TBX15: variants seen among roughly 807,000 people sequenced by gnomAD.
The protein encoded by TBX15 is T-box transcription factor TBX15.
In TBX15, 18 loss-of-function variants were observed where a neutral mutation model predicts 53.9. That is an observed-to-expected ratio of 0.33 (90% CI 0.23 to 0.49). The LOEUF is 0.49. TBX15 is among the 20% of genes least tolerant of loss of function. TBX15 has a pLI of 0.98. For synonymous variants in TBX15, 295 were observed against 278.0 expected, an observed-to-expected ratio of 1.06 and a Z score of -0.61; for missense variants, 692 against 749.5, an observed-to-expected ratio of 0.92 and a Z score of 0.90.
intron 6 of TBX15, among the ~76,000 whole-genome samples, chr1:118,908,006 T>C (rs1473551938): frequency 6.6e-6 from 1 of 152,154 alleles, no homozygotes; most frequent in African/African-American, 2.4e-5. Context: ...ATCAATGTCT[T>C]ACAGCAGTGA....
At chr1:118,889,089 A>T (rs1248703691) in intron 7 of TBX15, among the ~76,000 whole-genome samples, 1 of 152,144 alleles carries the variant, frequency 6.6e-6, no homozygotes, top group Non-Finnish European at 1.5e-5. Context: ...CCTCCATATG[A>T]ACTAGTGTTT....
intron 1 of TBX15, among the ~76,000 whole-genome samples, chr1:118,960,680 A>G (rs1017987764): frequency 6.6e-6 from 1 of 152,198 alleles, no homozygotes; most frequent in Non-Finnish European, 1.5e-5. Context: ...CAGGCAGGCT[A>G]CTGAGTGAGC....
Position 118,964,825 on chromosome 1 carries a change from T to TC in TBX15, c.205+22765dup, listed in dbSNP as rs1380309904. 1.1e-4 allele frequency among the ~76,000 whole-genome samples: 16 copies of TC among 152,234 alleles called. No homozygotes were observed. The East Asian group carries it at 2.9e-3, about 28-fold the overall frequency. ...TAGCCAGCTGGAGTCATGGTTTGGG[T>TC]CCCCCTCCAGGCTTTTCCAGTGGTT... is the stretch of plus-strand genomic sequence containing the variant. On this transcript the variant is annotated intron_variant, in intron 1 of 7. Coordinates refer to ENST00000369429, the MANE Select transcript of TBX15 (RefSeq NM_001330677.2).
At chr1:118,968,875 A>G (rs964036761) in intron 1 of TBX15, among the ~76,000 whole-genome samples, 2 of 152,114 alleles carry the variant, frequency 1.3e-5, no homozygotes, top group Admixed American at 6.6e-5. Flanking sequence ...AGATAAAGAC[A>G]CCAGGCCTCT....
chr1:118,987,483 C>T (rs2101063893), intron 1 of TBX15, 108 bp downstream of exon 1: 2 of 1,311,252 alleles, frequency 1.5e-6, no homozygotes, highest in East Asian at 5.1e-5. Flanking sequence ...TATGTTGGGG[C>T]AAGGCAGGGC....
intron 1 of TBX15, among the ~76,000 whole-genome samples, chr1:118,954,238 AG>A (rs577459554): frequency 1.3e-5 from 2 of 152,224 alleles, no homozygotes; most frequent in Non-Finnish European, 2.9e-5. Flanking sequence ...CAAGGATCAA[AG>A]GAAGCTTGGA....
chr1:118,884,857 T>G lies in TBX15; in HGVS notation c.1684A>C (p.Met562Leu). The G allele has an allele frequency of 6.2e-7, 1 of 1,614,146 alleles. No homozygotes were observed. Among genetic ancestry groups the G allele is most frequent in the South Asian group, 1.1e-5 (1 of 91,074 alleles). ...CTAATCATGTGCATGCTGTGCTCCA[T>G]CCCTGACGGCAGGTACTGCCTCTCT... ...FGERQYLPSG[M>L]EHSMHMISPS... The change falls in exon 8 of 8, where the codon ATG (methionine) becomes CTG (leucine). Residue 562 changes from methionine to leucine, a missense_variant. By Grantham distance (15) the Met-to-Leu change is conservative (BLOSUM62 2). Transcript: ENST00000369429.
At chr1:118,979,072 G>C (rs73009558) in intron 1 of TBX15, among the ~76,000 whole-genome samples, 1 of 152,178 alleles carries the variant, frequency 6.6e-6, no homozygotes, top group Non-Finnish European at 1.5e-5. Context: ...AAGCTTTGGA[G>C]CAAGGATGCA....
intron 2 of TBX15, 25 bp from the exon 3 acceptor site, chr1:118,926,636 G>T (rs769368660): frequency 1.3e-6 from 2 of 1,598,784 alleles, no homozygotes; most frequent in Admixed American, 3.3e-5. Context: ...AAAACAGAAA[G>T]CTCAGAAATC....
chr1:118,963,401 C>T (rs1656940967), intron 1 of TBX15, among the ~76,000 whole-genome samples: 1 of 152,202 alleles, frequency 6.6e-6, no homozygotes, highest in Admixed American at 6.5e-5. Flanking sequence ...CCACCACAGG[C>T]ACCTTCCCTA....
intron 2 of TBX15, among the ~76,000 whole-genome samples, chr1:118,929,897 C>T (rs1330894677): frequency 6.6e-6 from 1 of 152,134 alleles, no homozygotes; most frequent in African/African-American, 2.4e-5. Context: ...CAAACCAACT[C>T]TTCTACCAAA....
intron 1 of TBX15, among the ~76,000 whole-genome samples, chr1:118,982,088 C>CAATA (rs1657671129): frequency 6.6e-6 from 1 of 152,168 alleles, no homozygotes; most frequent in Non-Finnish European, 1.5e-5. Flanking sequence ...AGTAAGAAAG[C>CAATA]AATAACCAGC....
chr1:118,933,013 C>T (rs1036603046), intron 1 of TBX15, among the ~76,000 whole-genome samples: 1 of 152,030 alleles, frequency 6.6e-6, no homozygotes, highest in Admixed American at 6.6e-5. Flanking sequence ...TCAATGGTGT[C>T]AAGGGTCAGA....
chr1:118,923,361 A>G, intron 5 of TBX15, 75 bp downstream of exon 5: 1 of 1,583,160 alleles, frequency 6.3e-7, no homozygotes, highest in Non-Finnish European at 8.7e-7. Context: ...CTGAAAGTAA[A>G]TAATACCTAA....
At chr1:118,922,457 A>G (rs1393195513) in intron 5 of TBX15, among the ~76,000 whole-genome samples, 1 of 152,212 alleles carries the variant, frequency 6.6e-6, no homozygotes, top group Non-Finnish European at 1.5e-5. Context: ...GGTTTGTGTC[A>G]GTGAATTTAT....
At chr1:118,946,375 G>T (rs1029648505) in intron 1 of TBX15, among the ~76,000 whole-genome samples, 3 of 152,124 alleles carry the variant, frequency 2.0e-5, no homozygotes, top group Admixed American at 6.5e-5. Flanking sequence ...AGTTAAATTT[G>T]CAAAAGCTTG....
intron 1 of TBX15, among the ~76,000 whole-genome samples, chr1:118,982,519 G>A (rs755080620): frequency 6.6e-5 from 10 of 152,134 alleles, no homozygotes; most frequent in Admixed American, 2.0e-4. Context: ...GGTTAATGAC[G>A]AGGAACTCGT....
At chr1:118,961,535 G>A (rs562023589) in intron 1 of TBX15, among the ~76,000 whole-genome samples, 1 of 152,282 alleles carries the variant, frequency 6.6e-6, no homozygotes, top group Non-Finnish European at 1.5e-5. Flanking sequence ...CAGGTTCCTA[G>A]AGCCTTCCTC....
At chr1:118,923,679 C>G in intron 4 of TBX15, 76 bp from the exon 5 acceptor site, 1 of 1,563,062 alleles carries the variant, frequency 6.4e-7, no homozygotes, top group Non-Finnish European at 8.8e-7. Flanking sequence ...AAATAAATCA[C>G]TAAGTTGAAG....
Sources: allele counts gnomAD v4.1 joint callset (sites outside exome capture counted in the v4.1 genomes callset), GRCh38; gene constraint gnomAD v4.1.1; transcripts MANE v1.5; gene names NCBI Gene and HGNC (gene_info 2026-07-23, HGNC 2026-07-21).